Variants in ASCC1 observed in about 807,000 individuals in gnomAD.
ASCC1 encodes activating signal cointegrator 1 complex subunit 1, also known as ASC-1 complex subunit P50.
ASCC1 carries 35 observed loss-of-function variants against 46.6 expected under a neutral mutation model. The observed-to-expected ratio is 0.75, with a 90% CI of 0.57 to 0.99. ASCC1 has a LOEUF of 0.99. Ranked by LOEUF, ASCC1 falls within the 50% of genes least tolerant of loss-of-function variation. ASCC1 has a pLI of 0.00. For missense variants in ASCC1, 376 were observed against 428.7 expected, an observed-to-expected ratio of 0.88 and a Z score of 1.09; for synonymous variants, 143 against 146.6, an observed-to-expected ratio of 0.98 and a Z score of 0.18.
intron 4 of ASCC1, among the ~76,000 whole-genome samples, chr10:72,199,250 A>T (rs569459720): frequency 6.6e-6 from 1 of 151,128 alleles, no homozygotes. Context: ...CAGCCTCCCA[A>T]GTAGCTGGGA....
intron 8 of ASCC1, among the ~76,000 whole-genome samples, chr10:72,130,677 ATACCT>A (rs1160443482): frequency 6.6e-6 from 1 of 152,250 alleles, no homozygotes; most frequent in Admixed American, 6.5e-5. Flanking sequence ...AATACTGTCT[ATACCT>A]GCAACGCCCA....
chr10:72,163,804 G>A lies in ASCC1; in HGVS notation c.490-2130C>T, dbSNP rs367565911. ...ATACCTCATGAATCCCTAAAATTGA[G>A]GTGAAATTCACATAATATAAAATTA... is the stretch of plus-strand genomic sequence containing the variant. On this transcript the variant is annotated intron_variant, in intron 5 of 9. Transcript: ENST00000672957. Among the ~76,000 whole-genome samples, 50 of 151,866 alleles carry A rather than the reference G, an allele frequency of 3.3e-4. No individual in the cohort carries two copies. The East Asian group carries it at 4.6e-3, about 14-fold the overall frequency.
chr10:72,140,889 T>C (rs1052422473), intron 7 of ASCC1, among the ~76,000 whole-genome samples: 2 of 152,194 alleles, frequency 1.3e-5, no homozygotes, highest in African/African-American at 4.8e-5. Context: ...TATCCACTTA[T>C]TTTTAATGTC....
At chr10:72,183,648 C>T (rs886615461) in intron 5 of ASCC1, among the ~76,000 whole-genome samples, 49 of 150,378 alleles carry the variant, frequency 3.3e-4, no homozygotes, top group African/African-American at 1.1e-3. Flanking sequence ...GACCATGTCT[C>T]AAAAAAAATG....
At chr10:72,118,815 A>T (rs1288351491) in intron 9 of ASCC1, among the ~76,000 whole-genome samples, 1 of 152,142 alleles carries the variant, frequency 6.6e-6, no homozygotes, top group African/African-American at 2.4e-5. Context: ...GAAAGAAATA[A>T]TATACTTTCT....
chr10:72,142,644 G>C lies in ASCC1; in HGVS notation c.747-9463C>G, dbSNP rs1019359607. 2.6e-5 allele frequency among the ~76,000 whole-genome samples: 4 copies of C among 151,992 alleles called. No individual in the cohort carries two copies. The East Asian group carries it at 5.8e-4, about 22-fold the overall frequency. ...AGCCTCCCAAAGTGCTGGGATTACA[G>C]GTGTGAGGCACTGCACCCGGCCAGA... On this transcript the variant is annotated intron_variant, in intron 7 of 9. Coordinates refer to ENST00000672957, the MANE Select transcript of ASCC1 (RefSeq NM_001198800.3).
chr10:72,148,084 A>G (rs977283690), intron 7 of ASCC1, among the ~76,000 whole-genome samples: 5 of 152,216 alleles, frequency 3.3e-5, no homozygotes, highest in Non-Finnish European at 2.9e-5. Context: ...ACGGCATCAA[A>G]CTGTGCTAGT....
At chr10:72,124,950 T>C (rs1436682175) in intron 9 of ASCC1, among the ~76,000 whole-genome samples, 1 of 152,184 alleles carries the variant, frequency 6.6e-6, no homozygotes, top group Non-Finnish European at 1.5e-5. Flanking sequence ...ATTCAAAGTC[T>C]TTCTTAGGGC....
At chr10:72,150,811 A>G (rs1020961562) in intron 7 of ASCC1, among the ~76,000 whole-genome samples, 5 of 152,246 alleles carry the variant, frequency 3.3e-5, no homozygotes, top group African/African-American at 1.2e-4. Context: ...TTTTCAAAAG[A>G]AGACATTTAT....
At chr10:72,153,699 T>C (rs1373364558) in intron 6 of ASCC1, among the ~76,000 whole-genome samples, 2 of 151,940 alleles carry the variant, frequency 1.3e-5, no homozygotes, top group East Asian at 1.9e-4. Flanking sequence ...GTGCTGGGAT[T>C]ACAGGTGTGA....
chr10:72,192,915 A>C (rs1219674767), intron 5 of ASCC1, among the ~76,000 whole-genome samples: 1 of 152,254 alleles, frequency 6.6e-6, no homozygotes, highest in Non-Finnish European at 1.5e-5. Context: ...AAGAAATGTA[A>C]ATCAAAACCA....
At chr10:72,151,344 G>A (rs986562413) in intron 7 of ASCC1, among the ~76,000 whole-genome samples, 6 of 151,624 alleles carry the variant, frequency 4.0e-5, no homozygotes, top group African/African-American at 1.2e-4. Context: ...TATATGCAAG[G>A]ACAGAAAACC....
chr10:72,184,732 T>C (rs1020289072), intron 5 of ASCC1, among the ~76,000 whole-genome samples: 18 of 151,338 alleles, frequency 1.2e-4, no homozygotes, highest in Non-Finnish European at 2.7e-4. Context: ...GATACAGAGG[T>C]TGCAGTGAGC....
At chr10:72,152,048 G>C (rs1337350527) in intron 7 of ASCC1, among the ~76,000 whole-genome samples, 2 of 147,690 alleles carry the variant, frequency 1.4e-5, no homozygotes, top group African/African-American at 2.5e-5. Flanking sequence ...CTGGAGTGCA[G>C]TGGTGTGATC....
intron 9 of ASCC1, among the ~76,000 whole-genome samples, chr10:72,109,374 T>C (rs550923001): frequency 2.8e-4 from 43 of 152,304 alleles, no homozygotes; most frequent in African/African-American, 1.0e-3. Context: ...CCCTCTCCAC[T>C]GACTGAGATG....
chr10:72,170,608 A>G (rs1460682501), intron 5 of ASCC1, among the ~76,000 whole-genome samples: 1 of 151,620 alleles, frequency 6.6e-6, no homozygotes, highest in Non-Finnish European at 1.5e-5. Flanking sequence ...AAAAAAAAAA[A>G]AAAAAGAAAG....
At chr10:72,132,964 C>A in intron 8 of ASCC1, 93 bp downstream of exon 8, 1 of 1,526,538 alleles carries the variant, frequency 6.6e-7, no homozygotes, top group Non-Finnish European at 9.1e-7. Flanking sequence ...GAAGCTATAT[C>A]AGAGATTCTT....
intron 6 of ASCC1, among the ~76,000 whole-genome samples, chr10:72,156,771 CAAA>C (rs58283312): frequency 3.1e-5 from 2 of 65,244 alleles, no homozygotes; most frequent in Non-Finnish European, 3.1e-5. Context: ...GACTCCATCT[CAAA>C]AAAAAAAAAA....
chr10:72,196,175 C>T (rs904030107), intron 5 of ASCC1, among the ~76,000 whole-genome samples: 3 of 151,930 alleles, frequency 2.0e-5, no homozygotes, highest in East Asian at 1.9e-4. Context: ...GAGCCATGAC[C>T]GCCCAAAGTC....
Sources: allele counts gnomAD v4.1 joint callset (sites outside exome capture counted in the v4.1 genomes callset), GRCh38; gene constraint gnomAD v4.1.1; transcripts MANE v1.5; gene names NCBI Gene and HGNC (gene_info 2026-07-23, HGNC 2026-07-21).